Variants in CRHBP observed in about 807,000 individuals in gnomAD.
The protein encoded by CRHBP is corticotropin releasing hormone binding protein, also known as corticotropin-releasing hormone-binding protein.
In CRHBP, 19 loss-of-function variants were observed where a neutral mutation model predicts 34.9. The observed-to-expected ratio is 0.55, with a 90% CI of 0.38 to 0.80. CRHBP has a LOEUF of 0.80. Among genes scored for constraint, CRHBP ranks in the 30% least tolerant of loss-of-function variants. The pLI is 0.00. For synonymous variants in CRHBP, 154 were observed against 153.4 expected, an observed-to-expected ratio of 1.00 and a Z score of -0.03; for missense variants, 328 against 409.2, an observed-to-expected ratio of 0.80 and a Z score of 1.71.
At chr5:76,980,279 A>C (rs1746101043) in intron 3 of CRHBP, among the ~76,000 whole-genome samples, 1 of 144,098 alleles carries the variant, frequency 6.9e-6, no homozygotes, top group Non-Finnish European at 1.5e-5. Flanking sequence ...AAAAAAAAAG[A>C]AAGCAGTGGG....
intron 5 of CRHBP, among the ~76,000 whole-genome samples, chr5:76,959,504 TGACC>T (rs1346093539): frequency 6.6e-6 from 1 of 152,242 alleles, no homozygotes; most frequent in Non-Finnish European, 1.5e-5. Flanking sequence ...ATGCTGAGTT[TGACC>T]GCATTTTCTT....
chr5:76,974,221 T>C (rs1745987718), downstream of CRHBP, among the ~76,000 whole-genome samples: 1 of 151,080 alleles, frequency 6.6e-6, no homozygotes, highest in South Asian at 2.1e-4. Context: ...TTCACCAGGT[T>C]GGTCAGGCTG....
At chr5:76,960,615 AT>A (rs1745761885) in intron 5 of CRHBP, among the ~76,000 whole-genome samples, 1 of 152,092 alleles carries the variant, frequency 6.6e-6, no homozygotes, top group African/African-American at 2.4e-5. Context: ...TATCAAGATT[AT>A]TTTCTTAAAC....
At chr5:76,979,119 G>A (rs66835096) in intron 3 of CRHBP, among the ~76,000 whole-genome samples, 26,458 of 152,148 alleles carry the variant, frequency 0.17, 2,883 homozygotes, top group African/African-American at 0.3. Context: ...ATGACCTTTA[G>A]CATTTTTTAG....
Position 76,953,802 on chromosome 5 carries a change from C to T in CRHBP, c.175+108C>T. 3.1e-6 allele frequency: 4 copies of T among 1,275,748 alleles called. 1 individual carries two copies. The highest frequency in any genetic ancestry group is 5.1e-5 in the East Asian group (2 of 39,382). 79.0% of individuals were successfully genotyped at this position (1,275,748 alleles called of 1,614,324 possible). A position where few individuals can be genotyped will look rare whatever the true frequency, so the allele number is the denominator to read the frequency against. Reference sequence around the variant, plus strand: ...ATCTCGGGGAAGGGGCTGGCCGGAACCGCCAGGGGCGCGGTCCCCTTAGCT... The same window carrying T: ...ATCTCGGGGAAGGGGCTGGCCGGAATCGCCAGGGGCGCGGTCCCCTTAGCT... On this transcript the variant is annotated intron_variant, in intron 2 of 6. Transcript: ENST00000274368.
At chr5:76,968,433 G>T (rs926924038) in intron 6 of CRHBP, among the ~76,000 whole-genome samples, 1 of 151,774 alleles carries the variant, frequency 6.6e-6, no homozygotes. Flanking sequence ...GGCTTTGCAG[G>T]CAAAAAAGGC....
At position 76,969,122 on chromosome 5, in the gene CRHBP, G is replaced by T. The variant is rs921138772; in HGVS notation, c.*237G>T. On this transcript the variant is annotated 3_prime_UTR_variant, in exon 7 of 7. Coordinates refer to ENST00000274368, the MANE Select transcript of CRHBP (RefSeq NM_001882.4). ...GCAGAAAATAACCCCTGATTGGTAG[G>T]ATCATAGTTCTAAATGGAAATGTTT... is the stretch of plus-strand genomic sequence containing the variant. The T allele has an allele frequency of 1.5e-5, 6 of 397,940 alleles. No individual in the cohort carries two copies. The highest frequency in any genetic ancestry group is 2.7e-5 in the Non-Finnish European group (6 of 225,370). 24.7% of individuals were successfully genotyped at this position (397,940 alleles called of 1,614,324 possible).
chr5:76,971,785 T>C (rs1366129561), downstream of CRHBP, among the ~76,000 whole-genome samples: 1 of 152,202 alleles, frequency 6.6e-6, no homozygotes, highest in Non-Finnish European at 1.5e-5. Context: ...GTCTGGACTA[T>C]CTGCCCTTCT....
At chr5:76,955,132 T>C (rs947275430) in intron 3 of CRHBP, among the ~76,000 whole-genome samples, 1 of 152,214 alleles carries the variant, frequency 6.6e-6, no homozygotes, top group East Asian at 1.9e-4. Flanking sequence ...GTTCTTGACA[T>C]TTTAAAGTAA....
intron 5 of CRHBP, among the ~76,000 whole-genome samples, chr5:76,961,070 T>C (rs1223122829): frequency 6.6e-6 from 1 of 152,172 alleles, no homozygotes; most frequent in Non-Finnish European, 1.5e-5. Flanking sequence ...CCTGGCCAAG[T>C]ACTTTTTTGG....
At chr5:76,974,031 C>T (rs1310074986), downstream of CRHBP, among the ~76,000 whole-genome samples, 1 of 151,206 alleles carries the variant, frequency 6.6e-6, no homozygotes, top group African/African-American at 2.4e-5. Flanking sequence ...CTCACTCTGT[C>T]ACCCAGACTG....
intron 3 of CRHBP, 118 bp downstream of exon 3, chr5:76,954,304 G>C: frequency 1.6e-6 from 2 of 1,249,832 alleles, no homozygotes; most frequent in Non-Finnish European, 2.2e-6. Context: ...GCACTTCTTA[G>C]ACACTTCGCT....
chr5:76,976,699 C>T (rs1580101202), intron 3 of CRHBP, among the ~76,000 whole-genome samples: 3 of 152,270 alleles, frequency 2.0e-5, no homozygotes, highest in Admixed American at 2.0e-4. Context: ...ATGAGTGTTC[C>T]TTTCTCAGAA....
intron 4 of CRHBP, 22 bp from the exon 5 acceptor site, chr5:76,958,719 T>C: frequency 1.3e-6 from 2 of 1,595,262 alleles, no homozygotes; most frequent in Non-Finnish European, 1.7e-6. Context: ...GAAACGTGAA[T>C]TTCTTTTTCT....
intron 5 of CRHBP, 100 bp downstream of exon 5, chr5:76,958,989 T>C (rs1395071666): frequency 3.9e-6 from 5 of 1,269,350 alleles, no homozygotes; most frequent in East Asian, 4.9e-5. Context: ...CAAATTGGCG[T>C]AGTACGTTGC....
At chr5:76,980,233 C>T (rs1033870151) in intron 3 of CRHBP, among the ~76,000 whole-genome samples, 2 of 115,776 alleles carry the variant, frequency 1.7e-5, no homozygotes, top group South Asian at 5.6e-4. Flanking sequence ...CCAGCCTGGG[C>T]GACAGAGCGA....
chr5:76,955,949 G>T, intron 4 of CRHBP, 86 bp downstream of exon 4: 1 of 1,184,536 alleles, frequency 8.4e-7, no homozygotes, highest in Non-Finnish European at 1.2e-6. Flanking sequence ...AAAGAAATTT[G>T]AACTGAGGAA....
chr5:76,964,639 G>A (rs1745832728), intron 6 of CRHBP, among the ~76,000 whole-genome samples: 1 of 152,160 alleles, frequency 6.6e-6, no homozygotes, highest in African/African-American at 2.4e-5. Context: ...AGATTACTGA[G>A]GTCAGGAGTT....
chr5:76,959,245 C>T (rs116150254), intron 5 of CRHBP, among the ~76,000 whole-genome samples: 1 of 152,328 alleles, frequency 6.6e-6, no homozygotes, highest in African/African-American at 2.4e-5. Context: ...GTCATCTACA[C>T]AGCTGTTTTT....
Sources: gnomAD v4.1 joint callset for allele counts (sites outside exome capture counted in the v4.1 genomes callset) on GRCh38, gnomAD v4.1.1 for gene constraint, MANE v1.5 for transcripts, NCBI Gene and HGNC (gene_info 2026-07-23, HGNC 2026-07-21) for gene names.